Variants in SPAG16 observed in about 807,000 individuals in gnomAD.
The protein encoded by SPAG16 is sperm associated antigen 16, also known as sperm-associated antigen 16 protein.
Under a neutral mutation model 80.4 loss-of-function variants are expected in SPAG16, and 86 were observed. That is an observed-to-expected ratio of 1.07 (90% CI 0.90 to 1.28). SPAG16 has a LOEUF of 1.28. SPAG16 is among the 50% of genes most tolerant of loss of function. The probability of loss-of-function intolerance (pLI) is 0.00; values close to 1 mark genes in which losing one functional copy is unlikely to be tolerated. For synonymous variants in SPAG16, 294 were observed against 265.9 expected (o/e 1.11, Z -1.03); for missense variants, 870 against 765.3 (o/e 1.14, Z -1.61).
chr2:214,246,985 A>G (rs1270350747), intron 15 of SPAG16, among the ~76,000 whole-genome samples: 1 of 152,214 alleles, frequency 6.6e-6, no homozygotes, highest in Non-Finnish European at 1.5e-5. Context: ...TTTGTTTATC[A>G]TATCATGAAC....
intron 12 of SPAG16, among the ~76,000 whole-genome samples, chr2:213,949,419 G>A (rs1327418158): frequency 6.6e-6 from 1 of 151,808 alleles, no homozygotes; most frequent in South Asian, 2.1e-4. Flanking sequence ...TACCCGCCTC[G>A]GCCTCCCAAA....
intron 13 of SPAG16, among the ~76,000 whole-genome samples, chr2:214,055,889 A>T (rs1299557785): frequency 6.6e-6 from 1 of 152,104 alleles, no homozygotes; most frequent in Non-Finnish European, 1.5e-5. Flanking sequence ...CATTTATGAA[A>T]GGCATGTTTT....
chr2:213,828,016 T>A (rs1328953155), intron 10 of SPAG16, among the ~76,000 whole-genome samples: 1 of 152,146 alleles, frequency 6.6e-6, no homozygotes, highest in Non-Finnish European at 1.5e-5. Flanking sequence ...CTCCTTGGTG[T>A]TGTATAACTT....
chr2:214,066,489 T>C (rs1378083776), intron 13 of SPAG16, among the ~76,000 whole-genome samples: 2 of 152,186 alleles, frequency 1.3e-5, no homozygotes, highest in African/African-American at 4.8e-5. Flanking sequence ...CCTACATTTA[T>C]TGCATATCTC....
intron 9 of SPAG16, among the ~76,000 whole-genome samples, chr2:213,424,606 A>G (rs1055571973): frequency 1.3e-5 from 2 of 152,326 alleles, no homozygotes; most frequent in Non-Finnish European, 2.9e-5. Flanking sequence ...AACTTTGAAC[A>G]TGTTAATTTT....
chr2:214,292,199 GATGGTTGGACTATAAT>G (rs2125933024), intron 15 of SPAG16, among the ~76,000 whole-genome samples: 1 of 152,252 alleles, frequency 6.6e-6, no homozygotes, highest in East Asian at 1.9e-4. Context: ...ACTGACTTTA[GATGGTTGGACTATAAT>G]ATGCTGTGGA....
chr2:214,198,763 C>T (rs2057921186), intron 15 of SPAG16, among the ~76,000 whole-genome samples: 1 of 152,066 alleles, frequency 6.6e-6, no homozygotes, highest in South Asian at 2.1e-4. Flanking sequence ...TTCATGCCAA[C>T]ATCTATTTTT....
At chr2:213,899,620 A>G (rs968011979) in intron 11 of SPAG16, among the ~76,000 whole-genome samples, 1 of 152,084 alleles carries the variant, frequency 6.6e-6, no homozygotes, top group Non-Finnish European at 1.5e-5. Context: ...TTGTCACTAT[A>G]ATATTCTATA....
intron 10 of SPAG16, among the ~76,000 whole-genome samples, chr2:213,606,911 T>C (rs1055047397): frequency 2.0e-5 from 3 of 152,132 alleles, no homozygotes; most frequent in African/African-American, 4.8e-5. Context: ...ATGAGAATCA[T>C]TGGGTAAAAA....
intron 10 of SPAG16, among the ~76,000 whole-genome samples, chr2:213,662,718 G>C (rs1456247266): frequency 1.3e-5 from 2 of 151,772 alleles, no homozygotes; most frequent in Non-Finnish European, 2.9e-5. Flanking sequence ...TTATTATTTA[G>C]TTGGGAAAGC....
At chr2:214,358,467 C>A (rs958942920) in intron 15 of SPAG16, among the ~76,000 whole-genome samples, 1 of 151,934 alleles carries the variant, frequency 6.6e-6, no homozygotes, top group Non-Finnish European at 1.5e-5. Context: ...TAAAAGATTT[C>A]TCACATAATC....
rs2061975493 is a variant in SPAG16 at position 213,284,494 on chromosome 2, A to G, written c.11A>G (p.Gln4Arg). 1 of 1,570,844 alleles carries G rather than the reference A, an allele frequency of 6.4e-7. No individual in the cohort carries two copies. Among genetic ancestry groups the G allele is most frequent in the African/African-American group, 1.3e-5 (1 of 74,146 alleles). The change falls in exon 1 of 16, where the codon CAG becomes CGG. Residue 4 changes from glutamine to arginine, a missense_variant. Coordinates refer to ENST00000331683, the MANE Select transcript of SPAG16 (RefSeq NM_024532.5). MAAQRGMPSSAVRV... is the reference protein window; with the variant it reads MAARRGMPSSAVRV... ...CCCGAAGCGCCAGAGATGGCTGCTC[A>G]GCGAGGGATGCCCAGCTCCGCCGTG...
intron 9 of SPAG16, 66 bp downstream of exon 9, chr2:213,375,185 C>G (rs1005212805): frequency 8.2e-6 from 9 of 1,100,960 alleles, no homozygotes; most frequent in Non-Finnish European, 1.2e-5. Flanking sequence ...TCCATTCACT[C>G]ATATGGTATC....
intron 10 of SPAG16, among the ~76,000 whole-genome samples, chr2:213,706,071 C>T (rs1559394496): frequency 6.6e-6 from 1 of 152,152 alleles, no homozygotes; most frequent in Non-Finnish European, 1.5e-5. Context: ...TGTTATATAC[C>T]TGGCAAAAGA....
At chr2:213,428,728 A>G in intron 9 of SPAG16, among the ~76,000 whole-genome samples, 1 of 152,194 alleles carries the variant, frequency 6.6e-6, no homozygotes. Context: ...TATACTGCAC[A>G]TGACTTTACT....
chr2:213,704,520 C>T (rs76953016), intron 10 of SPAG16, among the ~76,000 whole-genome samples: 5,627 of 152,158 alleles, frequency 0.037, 349 homozygotes, highest in African/African-American at 0.13. Flanking sequence ...ACCTTAGCAA[C>T]GTGCCTGCAT....
At chr2:214,014,844 G>T (rs2047504242) in intron 13 of SPAG16, among the ~76,000 whole-genome samples, 1 of 152,168 alleles carries the variant, frequency 6.6e-6, no homozygotes, top group Non-Finnish European at 1.5e-5. Context: ...GAGTGACAAG[G>T]TTCATAAATT....
chr2:214,126,401 G>T (rs1167665143), intron 14 of SPAG16, among the ~76,000 whole-genome samples: 1 of 151,476 alleles, frequency 6.6e-6, no homozygotes, highest in Non-Finnish European at 1.5e-5. Flanking sequence ...GCACACCAAG[G>T]AGCCATACTT....
intron 10 of SPAG16, among the ~76,000 whole-genome samples, chr2:213,776,867 A>G (rs1276191058): frequency 3.0e-5 from 4 of 132,260 alleles, no homozygotes; most frequent in Non-Finnish European, 4.6e-5. Context: ...TTCTTAATAT[A>G]ACACATACAT....
Sources: gnomAD v4.1 joint callset for allele counts (sites outside exome capture counted in the v4.1 genomes callset) on GRCh38, gnomAD v4.1.1 for gene constraint, MANE v1.5 for transcripts, NCBI Gene and HGNC (gene_info 2026-07-23, HGNC 2026-07-21) for gene names.